ABCA4: variants seen among roughly 807,000 people sequenced by gnomAD.
ABCA4 encodes ATP binding cassette subfamily A member 4, also known as retinal-specific phospholipid-transporting ATPase ABCA4.
ABCA4 carries 196 observed loss-of-function variants against 263.7 expected under a neutral mutation model. The observed-to-expected ratio is 0.74, with a 90% CI of 0.66 to 0.84. ABCA4 has a LOEUF of 0.84. ABCA4 is among the 40% of genes least tolerant of loss of function. The probability of loss-of-function intolerance (pLI) is 0.00; values close to 1 mark genes in which losing one functional copy is unlikely to be tolerated. For missense variants in ABCA4, 2,792 were observed against 2,855.1 expected, an observed-to-expected ratio of 0.98 and a Z score of 0.50; for synonymous variants, 1,133 against 1,094.2, an observed-to-expected ratio of 1.04 and a Z score of -0.70.
chr1:94,048,619 G>A (rs1030007060), intron 18 of ABCA4, among the ~76,000 whole-genome samples: 2 of 152,204 alleles, frequency 1.3e-5, no homozygotes, highest in African/African-American at 4.8e-5. Flanking sequence ...CCTAACAAGG[G>A]CACAGGCACA....
At position 94,036,776 on chromosome 1, in the gene ABCA4, C is replaced by T. The variant is rs1412990028; in HGVS notation, c.3826G>A (p.Val1276Ile). ...DTPLEEIFLK[V>I]TEDSDSGPLF... is the part of the protein sequence containing the mutation. ...GGTCCTGAATCAGAATCCTCCGTGA[C>T]CTTCAGAAAAATCTGTCAAGAAGAA... The change falls in exon 26 of 50, where the codon GTC (valine) becomes ATC (isoleucine). Residue 1276 changes from valine (V) to isoleucine (I), a missense_variant. Transcript: ENST00000370225. The T allele has an allele frequency of 6.2e-7, 1 of 1,614,116 alleles. No individual in the cohort carries two copies. The highest frequency in any genetic ancestry group is 8.5e-7 in the Non-Finnish European group (1 of 1,180,016).
At chr1:93,999,048 G>A (rs1421091554) in intron 47 of ABCA4, among the ~76,000 whole-genome samples, 2 of 151,114 alleles carry the variant, frequency 1.3e-5, no homozygotes, top group African/African-American at 4.9e-5. Context: ...ACCACGCCCA[G>A]CCTATTTTAT....
At position 94,056,685 on chromosome 1, in the gene ABCA4, A is replaced by G. The variant is rs781346137; in HGVS notation, c.2298T>C (p.Gly766=). The change falls in exon 15 of 50, where the codon GGT becomes GGC. Residue 766 remains glycine, a synonymous_variant. Transcript: ENST00000370225. ...SKASLAAACS[G]VIYFTLYLPH... ...GCAGGTAGAGGGTGAAATAGATGAC[A>G]CCACTACAGGCTGCTGCCAGACTGG... 6.2e-7 allele frequency: 1 copy of G among 1,614,166 alleles called. No individual in the cohort carries two copies. The highest frequency in any genetic ancestry group is 1.7e-5 in the Admixed American group (1 of 60,020).
chr1:94,087,968 G>A (rs1343344859), intron 6 of ABCA4, among the ~76,000 whole-genome samples: 1 of 152,144 alleles, frequency 6.6e-6, no homozygotes, highest in East Asian at 1.9e-4. Flanking sequence ...AGGAGAGAAA[G>A]AATCTACCTC....
chr1:94,068,342 G>A (rs1301476487), intron 11 of ABCA4, among the ~76,000 whole-genome samples: 1 of 152,202 alleles, frequency 6.6e-6, no homozygotes, highest in Non-Finnish European at 1.5e-5. Context: ...AATTGTAGAA[G>A]CTGCTTTGGA....
intron 7 of ABCA4, 96 bp downstream of exon 7, chr1:94,083,256 G>C: frequency 9.0e-7 from 1 of 1,116,406 alleles, no homozygotes; most frequent in Non-Finnish European, 1.4e-6. Context: ...ACTTTTCCTT[G>C]AACAGGTTTG....
chr1:94,120,896 CCCT>C, intron 1 of ABCA4, 81 bp downstream of exon 1: 1 of 686,784 alleles, frequency 1.5e-6, no homozygotes, highest in Non-Finnish European at 2.6e-6. Flanking sequence ...TGCCCCACCA[CCCT>C]ACCCCACCAC....
chr1:93,998,342 A>T (rs1659071768), intron 47 of ABCA4, among the ~76,000 whole-genome samples: 1 of 152,008 alleles, frequency 6.6e-6, no homozygotes, highest in Non-Finnish European at 1.5e-5. Flanking sequence ...TTAGCAGGGC[A>T]TGGTGGCACA....
intron 6 of ABCA4, among the ~76,000 whole-genome samples, chr1:94,093,293 T>C (rs974923633): frequency 6.6e-6 from 1 of 152,220 alleles, no homozygotes; most frequent in Non-Finnish European, 1.5e-5. Flanking sequence ...TGGCTTCAGC[T>C]GCTCCATGAG....
intron 24 of ABCA4, among the ~76,000 whole-genome samples, chr1:94,039,238 G>C (rs1660423294): frequency 6.6e-6 from 1 of 152,170 alleles, no homozygotes; most frequent in African/African-American, 2.4e-5. Context: ...ATGCCTCTCT[G>C]AGCATGTTCC....
intron 4 of ABCA4, among the ~76,000 whole-genome samples, chr1:94,104,915 T>G (rs1662385172): frequency 6.6e-6 from 1 of 152,094 alleles, no homozygotes. Context: ...TACACAGCCT[T>G]GTACACTCTC....
intron 3 of ABCA4, among the ~76,000 whole-genome samples, chr1:94,109,136 T>C (rs1662525681): frequency 6.6e-6 from 1 of 152,120 alleles, no homozygotes; most frequent in Non-Finnish European, 1.5e-5. Context: ...ATCCTTACAA[T>C]ACTGCCAAGG....
At chr1:94,112,399 A>T (rs1434483658) in intron 2 of ABCA4, among the ~76,000 whole-genome samples, 3 of 152,240 alleles carry the variant, frequency 2.0e-5, no homozygotes, top group Non-Finnish European at 4.4e-5. Context: ...GAGAGAGTTT[A>T]GGTATAAAAA....
intron 26 of ABCA4, 65 bp from the exon 27 acceptor site, chr1:94,032,108 T>A: frequency 6.3e-7 from 1 of 1,580,900 alleles, no homozygotes; most frequent in Non-Finnish European, 8.6e-7. Flanking sequence ...CTAATGCCAT[T>A]TTTTTTTTCC....
intron 49 of ABCA4, 70 bp from the exon 50 acceptor site, chr1:93,993,312 A>G: frequency 6.2e-7 from 1 of 1,603,852 alleles, no homozygotes; most frequent in Non-Finnish European, 8.5e-7. Context: ...TTTAGATTTC[A>G]AAAGCTAAAC....
In ABCA4 at chr1:94,028,018, T is replaced by C. The variant is rs1338855390; in HGVS notation, c.4539+1427A>G. 2.1e-4 allele frequency among the ~76,000 whole-genome samples: 32 copies of C among 152,232 alleles called. 1 individual carries two copies. Among genetic ancestry groups the C allele is most frequent in the Admixed American group, 2.1e-3 (32 of 15,286 alleles). On this transcript the variant is annotated intron_variant, in intron 30 of 49. Transcript: ENST00000370225. The stretch of plus-strand genomic sequence containing the variant: ...GCTGTTAGTTTGGGGTTGTCATCAC[T>C]TGAGTTGAATCTAATTCTAAATAAT...
At chr1:94,097,788 C>G (rs534918245) in intron 6 of ABCA4, among the ~76,000 whole-genome samples, 1 of 152,254 alleles carries the variant, frequency 6.6e-6, no homozygotes, top group Non-Finnish European at 1.5e-5. Context: ...CTTGCTCTGT[C>G]ACCCAGGCTG....
intron 6 of ABCA4, among the ~76,000 whole-genome samples, chr1:94,084,232 T>C (rs972982814): frequency 6.6e-6 from 1 of 152,236 alleles, no homozygotes; most frequent in African/African-American, 2.4e-5. Context: ...AGAGGAGTCA[T>C]GTAGGACTGA....
Position 94,011,404 on chromosome 1 carries a change from A to G in ABCA4, c.5461-19T>C, listed in dbSNP as rs1238760895. The G allele has an allele frequency of 6.2e-7, 1 of 1,611,858 alleles. No individual in the cohort carries two copies. Among genetic ancestry groups the G allele is most frequent in the Admixed American group, 1.7e-5 (1 of 59,824 alleles). On this transcript the variant is annotated intron_variant, in intron 38 of 49. Transcript: ENST00000370225. Reference sequence around the variant, plus strand: ...GCAGCGTCTGAAACAGAGAAGTAGGACTGTTGGAAACGGGGCAAACCCCAC... The same window carrying G: ...GCAGCGTCTGAAACAGAGAAGTAGGGCTGTTGGAAACGGGGCAAACCCCAC...
Sources: allele counts gnomAD v4.1 joint callset (sites outside exome capture counted in the v4.1 genomes callset), GRCh38; gene constraint gnomAD v4.1.1; transcripts MANE v1.5; gene names NCBI Gene and HGNC (gene_info 2026-07-23, HGNC 2026-07-21).